Variants in PPP4R4 observed in about 807,000 individuals in gnomAD.
The protein encoded by PPP4R4 is protein phosphatase 4 regulatory subunit 4.
PPP4R4 carries 70 observed loss-of-function variants against 121.8 expected under a neutral mutation model. The observed-to-expected ratio is 0.57, with a 90% CI of 0.47 to 0.70. The LOEUF is 0.70. Ranked by LOEUF, PPP4R4 falls within the 30% of genes least tolerant of loss-of-function variation. The pLI is 0.00. For missense variants in PPP4R4, 875 were observed against 1,033.6 expected (o/e 0.85, Z 2.10); for synonymous variants, 348 against 355.7 (o/e 0.98, Z 0.24).
chr14:94,179,562 T>A (rs1205190544), intron 2 of PPP4R4, among the ~76,000 whole-genome samples: 2 of 152,214 alleles, frequency 1.3e-5, no homozygotes, highest in Non-Finnish European at 2.9e-5. Context: ...ATTGTGTTTA[T>A]CCTTAATTTT....
intron 3 of PPP4R4, among the ~76,000 whole-genome samples, chr14:94,229,083 C>T (rs187045172): frequency 5.9e-5 from 9 of 152,060 alleles, no homozygotes; most frequent in Admixed American, 3.9e-4. Context: ...AGATGGAAGC[C>T]CATTGGAGAG....
At chr14:94,210,241 CAT>C (rs939699070) in intron 3 of PPP4R4, among the ~76,000 whole-genome samples, 6 of 150,190 alleles carry the variant, frequency 4.0e-5, no homozygotes, top group African/African-American at 1.5e-4. Flanking sequence ...TCAAATGTAT[CAT>C]ATTTATACAA....
chr14:94,214,825 A>G (rs914548340), intron 3 of PPP4R4, among the ~76,000 whole-genome samples: 2 of 152,208 alleles, frequency 1.3e-5, no homozygotes, highest in African/African-American at 4.8e-5. Context: ...ATATGATGCT[A>G]CAAGTAGAAA....
chr14:94,268,805 C>T (rs12434917), intron 23 of PPP4R4, among the ~76,000 whole-genome samples: 30,645 of 151,960 alleles, frequency 0.2, 3,619 homozygotes, highest in East Asian at 0.59. Flanking sequence ...GGGAAAAATT[C>T]GCCCCCATGA....
intron 14 of PPP4R4, among the ~76,000 whole-genome samples, chr14:94,248,092 G>T (rs1892987837): frequency 6.6e-6 from 1 of 152,082 alleles, no homozygotes; most frequent in Non-Finnish European, 1.5e-5. Context: ...GAAATTGAAG[G>T]CATCCAAATA....
chr14:94,254,789 A>G (rs1033566839), intron 16 of PPP4R4, among the ~76,000 whole-genome samples: 1 of 152,200 alleles, frequency 6.6e-6, no homozygotes, highest in African/African-American at 2.4e-5. Flanking sequence ...TTAGCAAAGG[A>G]GAGTATTTCC....
intron 14 of PPP4R4, among the ~76,000 whole-genome samples, chr14:94,249,615 G>T (rs1893076374): frequency 6.6e-6 from 1 of 152,040 alleles, no homozygotes; most frequent in African/African-American, 2.4e-5. Flanking sequence ...CTGCCTAGTG[G>T]TGTGACAGAA....
chr14:94,206,432 T>C (rs1890464591), intron 2 of PPP4R4, among the ~76,000 whole-genome samples: 1 of 152,042 alleles, frequency 6.6e-6, no homozygotes, highest in Admixed American at 6.6e-5. Context: ...CGGTCTTAAA[T>C]TGATATATTT....
At chr14:94,175,954 C>T in intron 1 of PPP4R4, 100 bp from the exon 2 acceptor site, 1 of 923,754 alleles carries the variant, frequency 1.1e-6, no homozygotes, top group South Asian at 1.4e-5. Context: ...AATTGTGAAA[C>T]TTTTTCATTC....
intron 23 of PPP4R4, 76 bp downstream of exon 23, chr14:94,267,105 T>G: frequency 2.1e-6 from 2 of 955,818 alleles, no homozygotes; most frequent in South Asian, 3.0e-5. Flanking sequence ...ACCTATTTCT[T>G]TAGTACTAGA....
At chr14:94,193,746 C>T (rs1481527130) in intron 2 of PPP4R4, among the ~76,000 whole-genome samples, 2 of 151,984 alleles carry the variant, frequency 1.3e-5, no homozygotes, top group East Asian at 3.8e-4. Context: ...AGTTAATGGC[C>T]AATAAGTGAG....
chr14:94,265,144 C>A (rs1466387483), intron 20 of PPP4R4, among the ~76,000 whole-genome samples, 197 bp downstream of exon 20: 1 of 152,126 alleles, frequency 6.6e-6, no homozygotes, highest in Non-Finnish European at 1.5e-5. Flanking sequence ...AGGCAGGAAC[C>A]AGGGTGGACG....
chr14:94,207,768 T>C (rs998307925), intron 2 of PPP4R4, among the ~76,000 whole-genome samples: 5 of 151,534 alleles, frequency 3.3e-5, no homozygotes, highest in Admixed American at 6.6e-5. Context: ...TTGGTTATAT[T>C]TGAAAACAGT....
chr14:94,202,919 G>A lies in PPP4R4; in HGVS notation c.192-5545G>A, dbSNP rs566133802. ...AATAGCTTGAACCAGGGAGTCAGAGGTTGCAGTGAGCCGAGATTGCACCAC... is the reference window on the plus strand; with the variant it reads ...AATAGCTTGAACCAGGGAGTCAGAGATTGCAGTGAGCCGAGATTGCACCAC... On this transcript the variant is annotated intron_variant, in intron 2 of 24. Transcript: ENST00000304338. 1.1e-3 allele frequency among the ~76,000 whole-genome samples: 174 copies of A among 151,334 alleles called. 1 individual carries two copies. Among genetic ancestry groups the A allele is most frequent in the African/African-American group, 3.8e-3 (158 of 41,240 alleles).
chr14:94,203,567 T>C (rs1197897297), intron 2 of PPP4R4, among the ~76,000 whole-genome samples: 3 of 152,210 alleles, frequency 2.0e-5, no homozygotes, highest in Non-Finnish European at 4.4e-5. Flanking sequence ...TTCTTTGGGA[T>C]AAATGCCCCA....
Position 94,240,812 on chromosome 14 carries a change from G to C in PPP4R4, c.976+17G>C. The C allele has an allele frequency of 6.7e-7, 1 of 1,483,696 alleles. No homozygotes were observed. Among genetic ancestry groups the C allele is most frequent in the Non-Finnish European group, 8.9e-7 (1 of 1,121,422 alleles). The allele number at this position is 1,483,696 out of a possible 1,614,324, so 91.9% of individuals were successfully genotyped here. On this transcript the variant is annotated intron_variant, in intron 9 of 24. Transcript: ENST00000304338. Reference sequence around the variant, plus strand: ...GACTATATGGTATGATATATCCTAAGAATTTTGAGACTGTAGATAATTTTT... The same window carrying C: ...GACTATATGGTATGATATATCCTAACAATTTTGAGACTGTAGATAATTTTT...
intron 3 of PPP4R4, 56 bp downstream of exon 3, chr14:94,208,622 T>A: frequency 7.1e-7 from 1 of 1,416,706 alleles, no homozygotes; most frequent in South Asian, 1.2e-5. Context: ...TAGCATGTTG[T>A]CATTGTTGAA....
At chr14:94,255,408 A>G (rs576644607) in intron 16 of PPP4R4, among the ~76,000 whole-genome samples, 1 of 152,176 alleles carries the variant, frequency 6.6e-6, no homozygotes, top group Non-Finnish European at 1.5e-5. Context: ...ACCATCCTGT[A>G]TAACATGGTG....
chr14:94,175,219 T>A (rs2139362954), intron 1 of PPP4R4, among the ~76,000 whole-genome samples: 1 of 145,444 alleles, frequency 6.9e-6, no homozygotes, highest in Middle Eastern at 3.6e-3. Context: ...TAGCCCGGCC[T>A]CCCCTCGCTT....
Sources: gnomAD v4.1 joint callset for allele counts (sites outside exome capture counted in the v4.1 genomes callset) on GRCh38, gnomAD v4.1.1 for gene constraint, MANE v1.5 for transcripts, NCBI Gene and HGNC (gene_info 2026-07-23, HGNC 2026-07-21) for gene names.